The following MUC22 variants were observed in gnomAD, a reference collection of about 807,000 sequenced individuals.
MUC22 encodes the protein mucin-22.
In MUC22, 24 loss-of-function variants were observed where a neutral mutation model predicts 40.3. The observed-to-expected ratio is 0.60, with a 90% confidence interval of 0.43 to 0.84. The LOEUF is 0.84. Among genes scored for constraint, MUC22 ranks in the 40% least tolerant of loss-of-function variants. The probability of loss-of-function intolerance (pLI) is 0.00; values close to 1 mark genes in which losing one functional copy is unlikely to be tolerated. For synonymous variants in MUC22, 765 were observed against 844.5 expected, an observed-to-expected ratio of 0.91 and a Z score of 1.63; for missense variants, 1,926 against 2,130.7, an observed-to-expected ratio of 0.90 and a Z score of 1.89.
exon 4 of MUC22, chr6:31,034,994 G>A: frequency 6.7e-7 from 1 of 1,493,240 alleles, no homozygotes; most frequent in Non-Finnish European, 8.9e-7. Flanking sequence ...GGCAGGACAA[G>A]ATGGCTGTGG....
At chr6:31,024,886 T>G (rs1765148910) in intron 1 of MUC22, among the ~76,000 whole-genome samples, 2 of 151,778 alleles carry the variant, frequency 1.3e-5, no homozygotes, top group Admixed American at 6.6e-5. Context: ...TTTTTTTTTT[T>G]TAAGATGGAG....
upstream of MUC22, chr6:31,006,249 C>A: frequency 4.1e-6 from 1 of 241,682 alleles, no homozygotes; most frequent in Non-Finnish European, 8.4e-6. Flanking sequence ...CAGAGTCTTA[C>A]AAGGCACAGG....
intron 2 of MUC22, among the ~76,000 whole-genome samples, chr6:31,031,321 C>A (rs1258670867): frequency 1.3e-5 from 2 of 152,134 alleles, no homozygotes; most frequent in Non-Finnish European, 2.9e-5. Flanking sequence ...CTCACCTTTG[C>A]TGATCACCAC....
In MUC22 at chr6:31,026,864, C is replaced by T. The variant is rs921012603; in HGVS notation, c.1433C>T (p.Ala478Val). ...TCTACTGCACATTCTGAGACGACTG[C>T]AGCCTCCACCATGGGCTCTGAGACC... The change falls in exon 2 of 4, where the codon GCA becomes GTA. Residue 478 changes from alanine (A) to valine (V), a missense_variant. Around this residue, in one of 3 missense-constraint regions of MUC22, gnomAD observed 1,281 missense variants for 1,337.8 expected, o/e 0.96. Coordinates refer to ENST00000561890, the Ensembl canonical transcript of MUC22. 1.2e-5 allele frequency: 18 copies of T among 1,491,932 alleles called. 1 individual carries two copies. Among genetic ancestry groups the T allele is most frequent in the Non-Finnish European group, 1.6e-5 (18 of 1,116,562 alleles). 92.4% of individuals were successfully genotyped at this position (1,491,932 alleles called of 1,614,324 possible).
chr6:31,025,553 C>T (rs1303556763), exon 2 of MUC22: 12 of 1,528,502 alleles, frequency 7.9e-6, no homozygotes, highest in Non-Finnish European at 1.0e-5. Flanking sequence ...ACCACAGCCT[C>T]CATCACAGGC....
At chr6:31,006,948 A>G (rs910551664), upstream of MUC22, among the ~76,000 whole-genome samples, 1 of 152,084 alleles carries the variant, frequency 6.6e-6, no homozygotes, top group Admixed American at 6.5e-5. Flanking sequence ...CAAGAGTTCA[A>G]CACCAGCCTG....
Position 31,030,196 on chromosome 6 carries a change from A to C in MUC22, c.4669+96A>C. The C allele has an allele frequency of 6.0e-6, 8 of 1,328,920 alleles. 1 individual carries two copies. The South Asian group carries it at 1.2e-4, about 20-fold the overall frequency. 82.3% of individuals were successfully genotyped at this position (1,328,920 alleles called of 1,614,324 possible). On this transcript the variant is annotated intron_variant, in intron 2 of 3. Transcript: ENST00000561890. Reference sequence around the variant, plus strand: ...TTTCTATCATCTCTGCCCTGGTTCAAGTCAAGCCAGCACACAGTTAGATAT... The same window carrying C: ...TTTCTATCATCTCTGCCCTGGTTCACGTCAAGCCAGCACACAGTTAGATAT...
chr6:31,027,527 C>T, exon 2 of MUC22: 1 of 1,529,964 alleles, frequency 6.5e-7, no homozygotes, highest in Non-Finnish European at 8.7e-7. Flanking sequence ...ACAATAGCCT[C>T]TACTTCAGAC....
intron 1 of MUC22, among the ~76,000 whole-genome samples, chr6:31,022,641 A>G (rs1327914875): frequency 6.6e-6 from 1 of 152,210 alleles, no homozygotes; most frequent in Non-Finnish European, 1.5e-5. Flanking sequence ...CATAAAATGT[A>G]TGACAACAGT....
chr6:31,018,511 A>C (rs996248273), intron 1 of MUC22, among the ~76,000 whole-genome samples: 6 of 141,448 alleles, frequency 4.2e-5, no homozygotes, highest in African/African-American at 1.6e-4. Context: ...TCTGCCTATT[A>C]CCTTCAAAAA....
Position 31,027,797 on chromosome 6 carries a change from C to G in MUC22, c.2366C>G (p.Ser789Cys), listed in dbSNP as rs1407832036. ...GAAGGCTCTGAGAACACTACAGTCT[C>G]CACCACAGGCTCTGAGACCACTACA... Residue 789 changes from serine (S) to cysteine (C), a missense_variant, in exon 2 of 4, where the codon TCC (serine) becomes TGC (cysteine). By Grantham distance (112) the Ser-to-Cys change is moderately radical. Transcript: ENST00000561890. 2.8e-5 allele frequency: 43 copies of G among 1,534,484 alleles called. No individual in the cohort carries two copies. Among genetic ancestry groups the G allele is most frequent in the Non-Finnish European group, 3.6e-5 (41 of 1,146,590 alleles).
At chr6:31,018,448 A>G (rs1483981844) in intron 1 of MUC22, among the ~76,000 whole-genome samples, 4 of 152,190 alleles carry the variant, frequency 2.6e-5, no homozygotes, top group Middle Eastern at 3.2e-3. Flanking sequence ...CTCACCCCCA[A>G]TGGAGGCCTG....
At chr6:31,033,192 TAGGA>T (rs920031912) in intron 3 of MUC22, among the ~76,000 whole-genome samples, 3 of 131,266 alleles carry the variant, frequency 2.3e-5, no homozygotes, top group Non-Finnish European at 4.8e-5. Context: ...AAAAGAAAGG[TAGGA>T]AGGAAGGAAG....
intron 1 of MUC22, among the ~76,000 whole-genome samples, chr6:31,023,166 T>TA (rs200740913): frequency 0.085 from 8,658 of 102,124 alleles, 302 homozygotes; most frequent in Admixed American, 0.098. Context: ...CTGGGTTAAT[T>TA]AAAAAAAAAA....
chr6:31,025,873 G>T, exon 2 of MUC22: 1 of 1,534,546 alleles, frequency 6.5e-7, no homozygotes, highest in Non-Finnish European at 8.7e-7. Context: ...CTCCACTACA[G>T]TCCCTGAGAC....
exon 2 of MUC22, chr6:31,028,713 C>T (rs34422170): frequency 0.13 from 182,575 of 1,424,058 alleles, 13,205 homozygotes; most frequent in Admixed American, 0.18. Flanking sequence ...GCTCTGAGAC[C>T]ACCACCACCA....
At chr6:31,012,212 G>T (rs1361014090) in intron 1 of MUC22, among the ~76,000 whole-genome samples, 3 of 152,140 alleles carry the variant, frequency 2.0e-5, no homozygotes, top group Non-Finnish European at 2.9e-5. Flanking sequence ...GAAGGTATAG[G>T]TTGGATGATG....
intron 1 of MUC22, among the ~76,000 whole-genome samples, chr6:31,020,441 C>CTTTTTTTTTTTTTTTTTTTTT (rs3084519): frequency 7.9e-6 from 1 of 126,712 alleles, no homozygotes; most frequent in African/African-American, 2.9e-5. Flanking sequence ...TGGAAATTGA[C>CTTTTTTTTTTTTTTTTTTTTT]TTTTTTTTTT....
chr6:31,011,513 A>G lies in MUC22; in HGVS notation c.70+737A>G, dbSNP rs1417723009. On this transcript the variant is annotated intron_variant, in intron 1 of 3. Coordinates refer to ENST00000561890, the Ensembl canonical transcript of MUC22. The surrounding 1 kb of genome is among the most constrained non-coding windows in gnomAD (Gnocchi z 4.5). ...CTACAGTCTCATCCAGGTCACTGCA[A>G]ATGCCATTAATTCATTCCTTTTTAT... is the stretch of plus-strand genomic sequence containing the variant. Among the ~76,000 whole-genome samples, 2 of 152,232 alleles carry G rather than the reference A, an allele frequency of 1.3e-5. No individual in the cohort carries two copies. Among genetic ancestry groups the G allele is most frequent in the Non-Finnish European group, 2.9e-5 (2 of 68,042 alleles).
Sources: allele counts gnomAD v4.1 joint callset (sites outside exome capture counted in the v4.1 genomes callset), GRCh38; gene constraint gnomAD v4.1.1; regional missense constraint gnomAD v4.1.1; non-coding constraint Gnocchi (gnomAD v3.1); transcripts MANE v1.5; gene names NCBI Gene and HGNC (gene_info 2026-07-23, HGNC 2026-07-21).